The following ATP10B variants were observed in gnomAD, a reference collection of about 807,000 sequenced individuals.
ATP10B encodes the protein ATPase phospholipid transporting 10B (putative), also known as phospholipid-transporting ATPase VB.
Under a neutral mutation model 141.2 loss-of-function variants are expected in ATP10B, and 122 were observed. The observed-to-expected ratio is 0.86, with a 90% CI of 0.75 to 1.00. The LOEUF is 1.00. Among genes scored for constraint, ATP10B ranks in the 50% least tolerant of loss-of-function variants. The pLI is 0.00. For missense variants in ATP10B, 1,876 were observed against 1,825.3 expected (o/e 1.03, Z -0.51); for synonymous variants, 685 against 692.0 (o/e 0.99, Z 0.16).
intron 3 of ATP10B, among the ~76,000 whole-genome samples, chr5:160,716,706 A>C (rs1765681582): frequency 6.6e-6 from 1 of 152,228 alleles, no homozygotes; most frequent in African/African-American, 2.4e-5. Flanking sequence ...GATGTAAAAC[A>C]AATCTAGAGG....
At position 160,668,217 on chromosome 5, in the gene ATP10B, G is replaced by A. The variant is rs1387647677; in HGVS notation, c.675+2246C>T. Among the ~76,000 whole-genome samples the A allele has an allele frequency of 5.6e-5, 6 of 107,506 alleles. No individual in the cohort carries two copies. The South Asian group carries it at 1.5e-3, about 26-fold the overall frequency. The allele number at this position is 107,506 out of a possible 152,430, so 70.5% of individuals were successfully genotyped here. On this transcript the variant is annotated intron_variant, in intron 7 of 25. Coordinates refer to ENST00000327245, the MANE Select transcript of ATP10B (RefSeq NM_025153.3). ...CGTACTCTAGCTTGGGTAACAGAGC[G>A]AGACTGTCCAAAAAAAAAAAAAAAA...
chr5:160,729,800 G>A (rs1312909082), intron 2 of ATP10B, among the ~76,000 whole-genome samples: 3 of 152,178 alleles, frequency 2.0e-5, no homozygotes, highest in Non-Finnish European at 4.4e-5. Context: ...GTGAGGTGGG[G>A]AGATGGTGGA....
intron 24 of ATP10B, among the ~76,000 whole-genome samples, chr5:160,574,289 C>G (rs1190756524): frequency 6.6e-6 from 1 of 152,088 alleles, no homozygotes. Flanking sequence ...AAAATATTAG[C>G]TGGGCTTGGT....
intron 3 of ATP10B, among the ~76,000 whole-genome samples, chr5:160,696,317 CA>C (rs1299583450): frequency 2.0e-5 from 3 of 151,962 alleles, no homozygotes; most frequent in Non-Finnish European, 4.4e-5. Flanking sequence ...CCATTTTGGC[CA>C]GGCTGGTCTT....
intron 22 of ATP10B, among the ~76,000 whole-genome samples, chr5:160,597,086 A>G (rs1383064515): frequency 1.3e-5 from 2 of 152,212 alleles, no homozygotes; most frequent in African/African-American, 2.4e-5. Context: ...CGCATTGCCA[A>G]GTCAATCCTA....
At chr5:160,730,240 C>G (rs1766646229) in intron 2 of ATP10B, among the ~76,000 whole-genome samples, 1 of 152,088 alleles carries the variant, frequency 6.6e-6, no homozygotes, top group Non-Finnish European at 1.5e-5. Context: ...CTGCAGGGCC[C>G]CACAGCCATG....
At chr5:160,657,454 C>G (rs1472403093) in intron 7 of ATP10B, among the ~76,000 whole-genome samples, 1 of 152,184 alleles carries the variant, frequency 6.6e-6, no homozygotes, top group Non-Finnish European at 1.5e-5. Flanking sequence ...TATTCAATCA[C>G]TCTAGAGGTC....
At chr5:160,821,796 C>T (rs963397215) in intron 1 of ATP10B, among the ~76,000 whole-genome samples, 8 of 151,842 alleles carry the variant, frequency 5.3e-5, no homozygotes, top group Admixed American at 3.3e-4. Context: ...CTAGGAAAAC[C>T]GGATATCCAT....
intron 1 of ATP10B, among the ~76,000 whole-genome samples, chr5:160,836,907 C>T (rs1775474511): frequency 6.6e-6 from 1 of 151,688 alleles, no homozygotes; most frequent in Admixed American, 6.6e-5. Flanking sequence ...AATAGATTCT[C>T]CTCCTAGAGC....
chr5:160,599,002 G>A, intron 21 of ATP10B, 32 bp from the exon 22 acceptor site: 2 of 1,607,054 alleles, frequency 1.2e-6, no homozygotes, highest in Non-Finnish European at 8.5e-7. Flanking sequence ...TTGTGAGTGG[G>A]GCTCCATGTG....
intron 6 of ATP10B, chr5:160,685,001 C>T: frequency 1.4e-6 from 1 of 703,422 alleles, no homozygotes; most frequent in Non-Finnish European, 2.6e-6. Context: ...TTCAGAACCG[C>T]AATGCCCACA....
chr5:160,789,692 C>G (rs1421991051), intron 1 of ATP10B, among the ~76,000 whole-genome samples: 2 of 152,094 alleles, frequency 1.3e-5, no homozygotes, highest in Admixed American at 1.3e-4. Flanking sequence ...TTATTGGCTA[C>G]AGATTACAGA....
chr5:160,767,565 A>ACAG (rs1769546096), intron 2 of ATP10B, among the ~76,000 whole-genome samples: 1 of 151,246 alleles, frequency 6.6e-6, no homozygotes, highest in Non-Finnish European at 1.5e-5. Flanking sequence ...ATGTATTATA[A>ACAG]ATATTACTTT....
chr5:160,649,401 A>C (rs1760542823), intron 7 of ATP10B, 145 bp from the exon 8 acceptor site: 2 of 616,620 alleles, frequency 3.2e-6, no homozygotes, highest in Admixed American at 6.7e-5. Flanking sequence ...ATGTGTCAGA[A>C]AAAAAAGTTA....
At chr5:160,668,456 C>A (rs968245850) in intron 7 of ATP10B, among the ~76,000 whole-genome samples, 1 of 152,198 alleles carries the variant, frequency 6.6e-6, no homozygotes, top group South Asian at 2.1e-4. Flanking sequence ...CTACAGAGTT[C>A]TGAGCCCAGA....
Position 160,565,489 on chromosome 5 carries a change from G to A in ATP10B, c.4350C>T (p.Ser1450=). ...GTGAACTCTGGGATCGGCGATGGCT[G>A]CTCCTCTTTGAGCACCGGCACATAT... is the stretch of plus-strand genomic sequence containing the variant. ...QTDMCRCSKR[S]SHRRSQSSLT... is the part of the protein sequence containing the mutation. The change falls in exon 26 of 26, where the codon AGC becomes AGT. Residue 1450 remains serine (S), a synonymous_variant. Transcript: ENST00000327245. 6.2e-7 allele frequency: 1 copy of A among 1,614,120 alleles called. No individual in the cohort carries two copies. Among genetic ancestry groups the A allele is most frequent in the Non-Finnish European group, 8.5e-7 (1 of 1,179,958 alleles).
intron 24 of ATP10B, among the ~76,000 whole-genome samples, chr5:160,584,256 C>T (rs560328213): frequency 2.6e-5 from 4 of 152,244 alleles, no homozygotes; most frequent in Non-Finnish European, 5.9e-5. Flanking sequence ...TTCCTCATGG[C>T]TCCTCATGGC....
intron 3 of ATP10B, among the ~76,000 whole-genome samples, chr5:160,715,105 G>A (rs1054118022): frequency 6.8e-5 from 10 of 147,894 alleles, no homozygotes; most frequent in African/African-American, 2.5e-4. Flanking sequence ...GGAGCCTACA[G>A]AGGCAGGCAG....
At chr5:160,870,063 C>G in the ATP10B span, among the ~76,000 whole-genome samples, 1 of 152,138 alleles carries the variant, frequency 6.6e-6, no homozygotes, top group South Asian at 2.1e-4. Context: ...CAGAGCCTAA[C>G]TGAATTAGGG....
Sources: gnomAD v4.1 joint callset for allele counts (sites outside exome capture counted in the v4.1 genomes callset) on GRCh38, gnomAD v4.1.1 for gene constraint, MANE v1.5 for transcripts, NCBI Gene and HGNC (gene_info 2026-07-23, HGNC 2026-07-21) for gene names.